Variants in AGO1 observed in about 807,000 individuals in gnomAD.
AGO1 encodes protein argonaute-1.
AGO1 carries 11 observed loss-of-function variants against 109.2 expected under a neutral mutation model. That is an observed-to-expected ratio of 0.10 (90% CI 0.06 to 0.17). The LOEUF (loss-of-function observed/expected upper bound fraction) is 0.17. AGO1 is among the 10% of genes least tolerant of loss of function. The pLI is 1.00. For missense variants in AGO1, 574 were observed against 1,140.3 expected (o/e 0.50, Z 7.15); for synonymous variants, 422 against 418.6 (o/e 1.01, Z -0.10).
At position 35,921,349 on chromosome 1, in the gene AGO1, G is replaced by A. The variant is rs1004418882; in HGVS notation, c.*1742G>A. 2.0e-5 allele frequency: 3 copies of A among 148,008 alleles called. No homozygotes were observed. Among genetic ancestry groups the A allele is most frequent in the African/African-American group, 7.5e-5 (3 of 39,816 alleles). The allele number at this position is 148,008 out of a possible 1,614,324, so 9.2% of individuals were successfully genotyped here. A position where few individuals can be genotyped will look rare whatever the true frequency, so the allele number is the denominator to read the frequency against. On this transcript the variant is annotated 3_prime_UTR_variant, in exon 19 of 19. Coordinates refer to ENST00000373204, the MANE Select transcript of AGO1 (RefSeq NM_012199.5). Reference sequence around the variant, plus strand: ...GCTGTCTTGCAGGACTGGAGAAGGTGGTGGTTCTAGCTTGGTCTCTGTTGG... The same window carrying A: ...GCTGTCTTGCAGGACTGGAGAAGGTAGTGGTTCTAGCTTGGTCTCTGTTGG...
chr1:35,880,371 G>A (rs1194470028), upstream of AGO1, among the ~76,000 whole-genome samples: 2 of 152,116 alleles, frequency 1.3e-5, no homozygotes, highest in African/African-American at 4.8e-5. Flanking sequence ...GCAATATAGC[G>A]AGACCCTCAT....
upstream of AGO1, chr1:35,883,192 G>C: frequency 8.6e-7 from 1 of 1,168,046 alleles, no homozygotes; most frequent in Non-Finnish European, 1.1e-6. The surrounding 1 kb of genome is among the most constrained non-coding windows in gnomAD (Gnocchi z 5.4). Context: ...CCCTGGGCCC[G>C]GCGGTCGCGC....
chr1:35,903,480 A>C (rs1167194746), intron 11 of AGO1, among the ~76,000 whole-genome samples: 2 of 152,068 alleles, frequency 1.3e-5, no homozygotes, highest in Non-Finnish European at 2.9e-5. Flanking sequence ...GGAGGAGTTG[A>C]TGGAGCCGAC....
chr1:35,902,092 C>A (rs769840653), intron 10 of AGO1, 22 bp downstream of exon 10: 2 of 1,591,742 alleles, frequency 1.3e-6, no homozygotes, highest in South Asian at 2.3e-5. Context: ...CAGGGCCAGA[C>A]AACATCTCGG....
chr1:35,890,016 A>G (rs1442320205), intron 2 of AGO1, among the ~76,000 whole-genome samples: 1 of 151,342 alleles, frequency 6.6e-6, no homozygotes, highest in Non-Finnish European at 1.5e-5. Flanking sequence ...TGCCTGACCA[A>G]TTGTTACCAT....
At position 35,922,252 on chromosome 1, in the gene AGO1, A is replaced by G. The variant is rs1205425860; in HGVS notation, c.*2645A>G. On this transcript the variant is annotated 3_prime_UTR_variant, in exon 19 of 19. Transcript: ENST00000373204. ...CATTCAAGAAATAAAAAGCAAGAGA[A>G]TCAGCTTTGGGCAATGACAAGAAAT... 6.5e-6 allele frequency: 1 copy of G among 152,684 alleles called. No individual in the cohort carries two copies. Among genetic ancestry groups the G allele is most frequent in the African/African-American group, 2.4e-5 (1 of 41,472 alleles). 9.5% of individuals were successfully genotyped at this position (152,684 alleles called of 1,614,324 possible).
chr1:35,917,400 T>C (rs1645753074), intron 15 of AGO1, among the ~76,000 whole-genome samples, 193 bp from the exon 16 acceptor site: 1 of 152,194 alleles, frequency 6.6e-6, no homozygotes, highest in Non-Finnish European at 1.5e-5. Flanking sequence ...TATAGGAGCA[T>C]ATTAAGTGAA....
intron 12 of AGO1, among the ~76,000 whole-genome samples, chr1:35,909,465 G>T (rs1645592922): frequency 6.6e-6 from 1 of 152,208 alleles, no homozygotes; most frequent in Non-Finnish European, 1.5e-5. Context: ...TTTCTTGTCT[G>T]TGGTTTTCAG....
chr1:35,873,147 A>G (rs934928840), intron 1 of AGO1: 1 of 151,630 alleles, frequency 6.6e-6, no homozygotes, highest in Non-Finnish European at 1.5e-5. Flanking sequence ...CAGTACAAGG[A>G]TCTCTAGAAC....
At chr1:35,894,989 G>A in intron 7 of AGO1, 133 bp from the exon 8 acceptor site, 1 of 1,092,456 alleles carries the variant, frequency 9.2e-7, no homozygotes, top group South Asian at 1.7e-5. Flanking sequence ...CAAAGTCTGG[G>A]ACTTCCTTCC....
At chr1:35,913,779 C>T (rs943103135) in intron 12 of AGO1, 63 bp from the exon 13 acceptor site, 4 of 1,547,036 alleles carry the variant, frequency 2.6e-6, no homozygotes, top group Admixed American at 1.7e-5. Context: ...CACTGCCTGG[C>T]ATCTAGTAGG....
intron 11 of AGO1, among the ~76,000 whole-genome samples, 195 bp from the exon 12 acceptor site, chr1:35,906,740 C>T (rs1293841066): frequency 6.7e-6 from 1 of 150,254 alleles, no homozygotes; most frequent in African/African-American, 2.5e-5. Flanking sequence ...CCTAGCAGCT[C>T]GAGGCTTGAG....
chr1:35,906,679 A>G (rs368651237), intron 11 of AGO1, among the ~76,000 whole-genome samples: 1 of 151,940 alleles, frequency 6.6e-6, no homozygotes, highest in African/African-American at 2.4e-5. Flanking sequence ...GCATGGTGGC[A>G]TTCCTCTAGT....
At chr1:35,895,003 A>C (rs1645293083) in intron 7 of AGO1, 119 bp from the exon 8 acceptor site, 4 of 1,233,526 alleles carry the variant, frequency 3.2e-6, no homozygotes, top group South Asian at 1.6e-5. Flanking sequence ...TCCTTCCTGC[A>C]CATCATATTG....
chr1:35,893,243 C>T lies in AGO1; in HGVS notation c.477C>T (p.Ala159=). The T allele has an allele frequency of 6.2e-7, 1 of 1,613,984 alleles. No individual in the cohort carries two copies. Among genetic ancestry groups the T allele is most frequent in the Non-Finnish European group, 8.5e-7 (1 of 1,179,970 alleles). ...QIPVPLESVQ[A]LDVAMRHLAS... is the part of the protein sequence containing the mutation. ...CTGTTCCCTTGGAGTCTGTGCAAGC[C>T]CTGGATGTGGCCATGAGGCACCTGG... Residue 159 remains alanine (A), a synonymous_variant, in exon 4 of 19, where the codon GCC becomes GCT. Coordinates refer to ENST00000373204, the MANE Select transcript of AGO1 (RefSeq NM_012199.5). This position sits in a 1 kb window ranked among gnomAD's most constrained non-coding sequence, Gnocchi z 5.6.
chr1:35,892,389 A>G (rs551873843), intron 2 of AGO1, among the ~76,000 whole-genome samples, 168 bp from the exon 3 acceptor site: 1 of 152,232 alleles, frequency 6.6e-6, no homozygotes, highest in Non-Finnish European at 1.5e-5. Flanking sequence ...CATTTTAATA[A>G]AATCTCCAGG....
In AGO1 at chr1:35,915,434, G is replaced by T; in HGVS notation, c.1920G>T (p.Leu640Phe). Residue 640 changes from leucine to phenylalanine, a missense_variant, in exon 15 of 19, where the codon TTG (leucine) becomes TTT (phenylalanine). Around this residue, in one of 8 missense-constraint regions of AGO1, gnomAD observed 45 missense variants for 61.3 expected, o/e 0.73. Coordinates refer to ENST00000373204, the MANE Select transcript of AGO1 (RefSeq NM_012199.5). ...CACGGCAAGAGATCATTGAAGACTTGTCCTACATGGTGCGTGAGCTCCTCA... is the reference window on the plus strand; with the variant it reads ...CACGGCAAGAGATCATTGAAGACTTTTCCTACATGGTGCGTGAGCTCCTCA... ...QRPRQEIIED[L>F]SYMVRELLIQ... The T allele has an allele frequency of 6.2e-7, 1 of 1,614,110 alleles. No individual in the cohort carries two copies. Among genetic ancestry groups the T allele is most frequent in the Non-Finnish European group, 8.5e-7 (1 of 1,180,024 alleles).
Position 35,913,768 on chromosome 1 carries a change from A to T in AGO1, c.1583-74A>T. On this transcript the variant is annotated intron_variant, in intron 12 of 18. Coordinates refer to ENST00000373204, the MANE Select transcript of AGO1 (RefSeq NM_012199.5). ...ATTATTGTGTTCCCTAGCACCTCAT[A>T]CACTGCCTGGCATCTAGTAGGCATT... is the stretch of plus-strand genomic sequence containing the variant. 24 of 1,502,612 alleles carry T rather than the reference A, an allele frequency of 1.6e-5. 1 individual carries two copies. In the South Asian group the frequency reaches 2.9e-4, roughly 18 times the overall value. 93.1% of individuals were successfully genotyped at this position (1,502,612 alleles called of 1,614,324 possible).
At chr1:35,902,374 A>G (rs937573156) in intron 11 of AGO1, 37 bp downstream of exon 11, 2 of 1,603,692 alleles carry the variant, frequency 1.2e-6, no homozygotes, top group Non-Finnish European at 1.7e-6. Flanking sequence ...AAGGGTGGGA[A>G]GGACCCTGGA....
Sources: allele counts gnomAD v4.1 joint callset (sites outside exome capture counted in the v4.1 genomes callset), GRCh38; gene constraint gnomAD v4.1.1; regional missense constraint gnomAD v4.1.1; non-coding constraint Gnocchi (gnomAD v3.1); transcripts MANE v1.5; gene names NCBI Gene and HGNC (gene_info 2026-07-23, HGNC 2026-07-21).